The following ERC2 variants were observed in gnomAD, a reference collection of about 807,000 sequenced individuals.
ERC2 encodes the protein ELKS/RAB6-interacting/CAST family member 2.
ERC2 carries 42 observed loss-of-function variants against 114.8 expected under a neutral mutation model. The ratio of observed to expected loss-of-function variants is 0.37; its 90% CI spans 0.29 to 0.47. The LOEUF (loss-of-function observed/expected upper bound fraction) is 0.47, where lower values mean the gene tolerates loss of function less well. ERC2 is among the 20% of genes least tolerant of loss of function. The pLI is 0.99. For missense variants in ERC2, 939 were observed against 1,150.7 expected, an observed-to-expected ratio of 0.82 and a Z score of 2.66; for synonymous variants, 454 against 425.5, an observed-to-expected ratio of 1.07 and a Z score of -0.82.
At chr3:56,039,749 A>G (rs186530702) in intron 7 of ERC2, among the ~76,000 whole-genome samples, 149 of 152,310 alleles carry the variant, frequency 9.8e-4, no homozygotes, top group Non-Finnish European at 1.9e-3. Context: ...AAAATATACT[A>G]CAAAGCTATA....
intron 17 of ERC2, among the ~76,000 whole-genome samples, chr3:55,563,471 C>T (rs1209461074): frequency 6.6e-6 from 1 of 152,246 alleles, no homozygotes; most frequent in South Asian, 2.1e-4. Flanking sequence ...GGGCTCCCAA[C>T]TGGGACTTGG....
At chr3:55,631,871 G>A (rs759362256) in intron 17 of ERC2, among the ~76,000 whole-genome samples, 4 of 152,208 alleles carry the variant, frequency 2.6e-5, no homozygotes, top group Admixed American at 6.5e-5. Flanking sequence ...TATCAGCCCT[G>A]TGTGTGGCAT....
intron 6 of ERC2, among the ~76,000 whole-genome samples, chr3:56,086,579 G>C (rs2077515093): frequency 6.6e-6 from 1 of 151,272 alleles, no homozygotes; most frequent in Non-Finnish European, 1.5e-5. Context: ...AAGCAAGTAT[G>C]ACATCATCTC....
chr3:55,746,943 C>G (rs533542410), intron 14 of ERC2, among the ~76,000 whole-genome samples: 136 of 152,296 alleles, frequency 8.9e-4, no homozygotes, highest in African/African-American at 3.1e-3. Context: ...CTCAAAGATG[C>G]AATTCTTCAT....
intron 14 of ERC2, among the ~76,000 whole-genome samples, chr3:55,808,757 C>CATAT (rs59418105): frequency 0.025 from 2,440 of 96,934 alleles, 55 homozygotes; most frequent in Middle Eastern, 0.1. Context: ...TATAACTAAA[C>CATAT]ATATATATAT....
chr3:56,359,376 G>GAAAGCAGAGAAAGTGATTAAAAAGC (rs2058861567), intron 2 of ERC2, among the ~76,000 whole-genome samples: 3 of 152,224 alleles, frequency 2.0e-5, no homozygotes, highest in Non-Finnish European at 4.4e-5. Flanking sequence ...AGGAGAACAG[G>GAAAGCAGAGAAAGTGATTAAAAAGC]AAAGCAGAGA....
intron 13 of ERC2, among the ~76,000 whole-genome samples, chr3:55,935,476 A>T (rs1292616485): frequency 6.6e-6 from 1 of 152,124 alleles, no homozygotes; most frequent in Non-Finnish European, 1.5e-5. Context: ...TAGCTCAATT[A>T]CTCCATCCAT....
At chr3:55,867,087 C>T (rs1254966781) in intron 14 of ERC2, among the ~76,000 whole-genome samples, 3 of 151,646 alleles carry the variant, frequency 2.0e-5, no homozygotes, top group African/African-American at 7.3e-5. Context: ...ATTTATCCTT[C>T]CTTCCTCCCT....
At chr3:55,749,768 C>T (rs2066554061) in intron 14 of ERC2, among the ~76,000 whole-genome samples, 1 of 152,186 alleles carries the variant, frequency 6.6e-6, no homozygotes, top group South Asian at 2.1e-4. Context: ...GGGTCCCCTT[C>T]CACGCTGTGG....
intron 2 of ERC2, among the ~76,000 whole-genome samples, chr3:56,402,915 C>T (rs532557514): frequency 1.8e-4 from 27 of 152,288 alleles, no homozygotes; most frequent in Non-Finnish European, 2.8e-4. Flanking sequence ...TTCTTTGTTG[C>T]AAGGGACTCT....
At chr3:55,646,032 T>A (rs576773983) in intron 17 of ERC2, among the ~76,000 whole-genome samples, 3 of 152,296 alleles carry the variant, frequency 2.0e-5, no homozygotes, top group Admixed American at 2.0e-4. Context: ...TCTACTCTAG[T>A]GGAAAATGAG....
intron 17 of ERC2, among the ~76,000 whole-genome samples, chr3:55,679,693 A>T (rs1175272583): frequency 1.3e-5 from 2 of 152,386 alleles, no homozygotes; most frequent in East Asian, 3.9e-4. Flanking sequence ...ATCCTCAGTT[A>T]TACAAAATCT....
At position 56,434,781 on chromosome 3, in the gene ERC2, G is replaced by C; in HGVS notation, c.227C>G (p.Pro76Arg). The change falls in exon 2 of 18, where the codon CCA becomes CGA. Residue 76 changes from proline to arginine, a missense_variant. Transcript: ENST00000288221. The part of the protein sequence containing the change: ...DHEGVASTTY[P>R]KGTMTLGRAT... ...CCTTCCCAGAGTCATAGTGCCCTTTGGGTAGGTTGTTGAAGCCACCCCTTC... is the reference window on the plus strand; with the variant it reads ...CCTTCCCAGAGTCATAGTGCCCTTTCGGTAGGTTGTTGAAGCCACCCCTTC... 6.2e-7 allele frequency: 1 copy of C among 1,613,956 alleles called. No individual in the cohort carries two copies. Among genetic ancestry groups the C allele is most frequent in the South Asian group, 1.1e-5 (1 of 91,080 alleles).
intron 17 of ERC2, among the ~76,000 whole-genome samples, chr3:55,663,029 G>T (rs1449644109): frequency 1.3e-5 from 2 of 152,056 alleles, no homozygotes; most frequent in Admixed American, 6.5e-5. Flanking sequence ...ATTAAATTTG[G>T]GAAAAGTCTG....
chr3:55,513,660 G>T (rs2052272082), intron 17 of ERC2, among the ~76,000 whole-genome samples: 2 of 151,904 alleles, frequency 1.3e-5, no homozygotes, highest in Non-Finnish European at 2.9e-5. Flanking sequence ...TTAAGGCAGG[G>T]TCTTGCTGTG....
intron 3 of ERC2, among the ~76,000 whole-genome samples, chr3:56,239,717 C>T (rs144173553): frequency 1.5e-3 from 229 of 152,238 alleles, no homozygotes; most frequent in African/African-American, 4.6e-3. Flanking sequence ...GCTTACTACG[C>T]GCACTGCTTA....
intron 6 of ERC2, among the ~76,000 whole-genome samples, chr3:56,117,762 A>G (rs1252450237): frequency 6.6e-6 from 1 of 152,242 alleles, no homozygotes; most frequent in African/African-American, 2.4e-5. Context: ...TTCGATGAGC[A>G]CCTGCTCTGT....
chr3:55,781,207 G>A (rs895486341), intron 14 of ERC2, among the ~76,000 whole-genome samples: 1 of 152,154 alleles, frequency 6.6e-6, no homozygotes, highest in Non-Finnish European at 1.5e-5. Context: ...GATGTCCGGG[G>A]CCATGACATC....
At chr3:56,325,162 C>T (rs940101725) in intron 2 of ERC2, among the ~76,000 whole-genome samples, 1 of 151,888 alleles carries the variant, frequency 6.6e-6, no homozygotes, top group Non-Finnish European at 1.5e-5. Context: ...ACTATATACC[C>T]GGCTGGGTGC....
Sources: gnomAD v4.1 joint callset for allele counts (sites outside exome capture counted in the v4.1 genomes callset) on GRCh38, gnomAD v4.1.1 for gene constraint, MANE v1.5 for transcripts, NCBI Gene and HGNC (gene_info 2026-07-23, HGNC 2026-07-21) for gene names.